Variants in DHX29 observed in about 807,000 individuals in gnomAD.
The protein encoded by DHX29 is DExH-box helicase 29.
In DHX29, 79 loss-of-function variants were observed where a neutral mutation model predicts 167.9. That is an observed-to-expected ratio of 0.47 (90% CI 0.39 to 0.57). The LOEUF (loss-of-function observed/expected upper bound fraction) is 0.57. DHX29 is among the 20% of genes least tolerant of loss of function. DHX29 has a pLI of 0.00. For synonymous variants in DHX29, 530 were observed against 546.0 expected (o/e 0.97, Z 0.41); for missense variants, 1,347 against 1,593.4 (o/e 0.85, Z 2.63).
chr5:55,268,571 T>A (rs1028198151), intron 21 of DHX29, among the ~76,000 whole-genome samples: 1 of 152,006 alleles, frequency 6.6e-6, no homozygotes, highest in Admixed American at 6.6e-5. Flanking sequence ...TCTACAGGGG[T>A]GCACCACCAT....
chr5:55,271,900 A>G (rs1234639272), intron 18 of DHX29, among the ~76,000 whole-genome samples, 187 bp downstream of exon 18: 1 of 152,174 alleles, frequency 6.6e-6, no homozygotes, highest in Non-Finnish European at 1.5e-5. Flanking sequence ...AAACCCATGA[A>G]ATGAAATTCT....
chr5:55,268,324 AT>A (rs1007633570), intron 21 of DHX29, among the ~76,000 whole-genome samples: 16 of 152,346 alleles, frequency 1.1e-4, no homozygotes, highest in African/African-American at 3.8e-4. Context: ...GGAAGAGGTT[AT>A]TTTTTGAACT....
intron 3 of DHX29, 143 bp from the exon 4 acceptor site, chr5:55,296,492 T>C (rs952879592): frequency 9.0e-7 from 1 of 1,105,486 alleles, no homozygotes; most frequent in Middle Eastern, 3.2e-4. Context: ...AAAAATGAAA[T>C]GTGTTTACTG....
chr5:55,302,174 G>C (rs1748638056), intron 1 of DHX29, among the ~76,000 whole-genome samples: 1 of 152,084 alleles, frequency 6.6e-6, no homozygotes, highest in African/African-American at 2.4e-5. Flanking sequence ...CATGTCAATG[G>C]TCATAAAGGA....
chr5:55,263,033 G>T lies in DHX29; in HGVS notation c.3526-101C>A, dbSNP rs142329287. On this transcript the variant is annotated intron_variant, in intron 23 of 26. Transcript: ENST00000251636. ...TACTGCTTCCTATAAAAATTGACAG[G>T]ATGCTAATGATTATTTGGCTAACGA... The T allele has an allele frequency of 8.7e-4, 753 of 867,064 alleles. 8 individuals are homozygous for T. In the Middle Eastern group the frequency reaches 0.018, roughly 20 times the overall value. The allele number at this position is 867,064 out of a possible 1,614,324, so 53.7% of individuals were successfully genotyped here.
In DHX29 at chr5:55,295,639, T is replaced by C. The variant is rs1579813981; in HGVS notation, c.506-115A>G. 7.2e-6 allele frequency: 7 copies of C among 977,030 alleles called. No individual in the cohort carries two copies. In the East Asian group the frequency reaches 1.8e-4, roughly 25 times the overall value. The allele number at this position is 977,030 out of a possible 1,614,324, so 60.5% of individuals were successfully genotyped here. Reference sequence around the variant, plus strand: ...AGACTTAGAGCACCTAATTTTCTTCTATTCCCTCATCTCCTAAGAATAGAA... The same window carrying C: ...AGACTTAGAGCACCTAATTTTCTTCCATTCCCTCATCTCCTAAGAATAGAA... On this transcript the variant is annotated intron_variant, in intron 4 of 26. Transcript: ENST00000251636.
At chr5:55,275,077 A>G in intron 14 of DHX29, 67 bp from the exon 15 acceptor site, 2 of 1,545,906 alleles carry the variant, frequency 1.3e-6, no homozygotes, top group Non-Finnish European at 1.8e-6. Flanking sequence ...CAAAGAAGGA[A>G]AAAAGGCGGT....
rs1579789463 is a variant in DHX29 at position 55,283,389 on chromosome 5, C to T, written c.1779G>A (p.Val593=). The change falls in exon 11 of 27, where the codon GTG becomes GTA. Residue 593 remains valine, a synonymous_variant. Transcript: ENST00000251636. ...TTTTACCACTCCCTGTTTCACCTGCCACAACCACTACCCGATGCCTTTTAA... is the reference window on the plus strand; with the variant it reads ...TTTTACCACTCCCTGTTTCACCTGCTACAACCACTACCCGATGCCTTTTAA... ...ETLKRHRVVV[V]AGETGSGKST... 6.2e-7 allele frequency: 1 copy of T among 1,614,080 alleles called. No homozygotes were observed. Among genetic ancestry groups the T allele is most frequent in the Non-Finnish European group, 8.5e-7 (1 of 1,180,034 alleles).
Position 55,307,439 on chromosome 5 carries a change from C to A in DHX29, c.135G>T (p.Pro45=). The part of the protein sequence containing the change: ...EAQSKKPVSR[P]ATAAAAAAGS... ...CGGCAGCGGCAGCGGCAGCGGTGGCCGGCCTGGACACTGGCTTCTTGCTTT... is the reference window on the plus strand; with the variant it reads ...CGGCAGCGGCAGCGGCAGCGGTGGCAGGCCTGGACACTGGCTTCTTGCTTT... The change falls in exon 1 of 27, where the codon CCG becomes CCT. Residue 45 remains proline, a synonymous_variant. Transcript: ENST00000251636. The A allele has an allele frequency of 1.9e-6, 3 of 1,613,004 alleles. No homozygotes were observed. The highest frequency in any genetic ancestry group is 2.5e-6 in the Non-Finnish European group (3 of 1,179,832).
At position 55,307,541 on chromosome 5, in the gene DHX29, T is replaced by C. The variant is rs777511574; in HGVS notation, c.33A>G (p.Pro11=). 6.8e-6 allele frequency: 11 copies of C among 1,613,644 alleles called. No individual in the cohort carries two copies. The East Asian group carries it at 2.5e-4, about 36-fold the overall frequency. ...CGGCGGCCCGGACCACCGCGGCCGC[T>C]GGAGCCTTGTGTTTCTTGTTCTTGC... MGGKNKKHKA[P]AAAVVRAAVS... The change falls in exon 1 of 27, where the codon CCA becomes CCG. Residue 11 remains proline (P), a synonymous_variant. Transcript: ENST00000251636.
chr5:55,298,073 C>T (rs1748410485), intron 2 of DHX29, among the ~76,000 whole-genome samples: 1 of 151,936 alleles, frequency 6.6e-6, no homozygotes, highest in Non-Finnish European at 1.5e-5. Context: ...TATAACCCAG[C>T]ATGGCAATTC....
intron 13 of DHX29, 69 bp from the exon 14 acceptor site, chr5:55,276,475 C>G (rs767334697): frequency 5.8e-5 from 69 of 1,190,910 alleles, no homozygotes; most frequent in African/African-American, 1.6e-4. Flanking sequence ...TTAAAGAGAA[C>G]AGGGGACACC....
At chr5:55,259,104 C>G (rs964002143) in intron 26 of DHX29, among the ~76,000 whole-genome samples, 1 of 152,254 alleles carries the variant, frequency 6.6e-6, no homozygotes, top group South Asian at 2.1e-4. Flanking sequence ...CCTCAGCCTT[C>G]TGGGTAGCTA....
At chr5:55,296,378 C>T (rs765282001) in intron 3 of DHX29, 29 bp from the exon 4 acceptor site, 1 of 1,594,852 alleles carries the variant, frequency 6.3e-7, no homozygotes, top group Non-Finnish European at 8.5e-7. Flanking sequence ...AAAAAAGTCA[C>T]ATTTGTCAAA....
At chr5:55,273,533 C>T (rs1746952919) in intron 16 of DHX29, 156 bp from the exon 17 acceptor site, 1 of 904,510 alleles carries the variant, frequency 1.1e-6, no homozygotes, top group South Asian at 4.3e-5. Flanking sequence ...TACAATGAAA[C>T]CTCATATACA....
At chr5:55,258,221 G>C (rs1429412059) in intron 26 of DHX29, among the ~76,000 whole-genome samples, 1 of 152,186 alleles carries the variant, frequency 6.6e-6, no homozygotes, top group Non-Finnish European at 1.5e-5. Flanking sequence ...GCACCAACTA[G>C]AAAGTATTAT....
At chr5:55,297,640 A>G (rs1228863731) in intron 2 of DHX29, among the ~76,000 whole-genome samples, 1 of 152,200 alleles carries the variant, frequency 6.6e-6, no homozygotes, top group Non-Finnish European at 1.5e-5. Context: ...TCTTGAGGGC[A>G]ATGTCACGAG....
At chr5:55,297,194 T>C (rs759079357) in intron 3 of DHX29, 91 bp downstream of exon 3, 18 of 645,990 alleles carry the variant, frequency 2.8e-5, no homozygotes, top group Non-Finnish European at 4.7e-5. Context: ...AAAATCTCAA[T>C]GGAAGTTGTA....
At chr5:55,260,765 T>C (rs971893137) in intron 25 of DHX29, among the ~76,000 whole-genome samples, 1 of 152,208 alleles carries the variant, frequency 6.6e-6, no homozygotes, top group Non-Finnish European at 1.5e-5. Context: ...GTTTGCTTAG[T>C]TTAAGCTGGT....
Sources: allele counts gnomAD v4.1 joint callset (sites outside exome capture counted in the v4.1 genomes callset), GRCh38; gene constraint gnomAD v4.1.1; transcripts MANE v1.5; gene names NCBI Gene and HGNC (gene_info 2026-07-23, HGNC 2026-07-21).